The following MAST4 variants were observed in gnomAD, a reference collection of about 807,000 sequenced individuals.
MAST4 encodes microtubule associated serine/threonine kinase family member 4.
In MAST4, 89 loss-of-function variants were observed where a neutral mutation model predicts 162.7. The ratio of observed to expected loss-of-function variants is 0.55; its 90% CI spans 0.46 to 0.65. The LOEUF (loss-of-function observed/expected upper bound fraction) is 0.65. Ranked by LOEUF, MAST4 falls within the 30% of genes least tolerant of loss-of-function variation. The pLI is 0.00. For missense variants in MAST4, 3,153 were observed against 3,374.0 expected (o/e 0.93, Z 1.62); for synonymous variants, 1,479 against 1,361.1 (o/e 1.09, Z -1.91).
At chr5:66,716,982 C>T (rs1463122594) in intron 1 of MAST4, among the ~76,000 whole-genome samples, 1 of 152,180 alleles carries the variant, frequency 6.6e-6, no homozygotes, top group Non-Finnish European at 1.5e-5. Context: ...GGACAAAGTT[C>T]TCCCTCAAGG....
intron 26 of MAST4, 140 bp from the exon 27 acceptor site, chr5:67,160,316 A>G: frequency 2.3e-6 from 2 of 874,412 alleles, no homozygotes; most frequent in Non-Finnish European, 3.3e-6. Context: ...GACTTCTTTG[A>G]TTGAAGGGTT....
chr5:66,857,305 A>G (rs887872772), intron 3 of MAST4, among the ~76,000 whole-genome samples: 3 of 152,244 alleles, frequency 2.0e-5, no homozygotes, highest in African/African-American at 4.8e-5. Context: ...AACAATAAAC[A>G]TGTTAGGTGT....
At chr5:66,887,554 A>G (rs1050479669) in intron 3 of MAST4, among the ~76,000 whole-genome samples, 4 of 152,224 alleles carry the variant, frequency 2.6e-5, no homozygotes, top group Admixed American at 6.5e-5. Context: ...AAACAGCATC[A>G]TCAAGGGCCC....
At chr5:67,146,441 T>C (rs1771090372) in intron 23 of MAST4, among the ~76,000 whole-genome samples, 1 of 152,256 alleles carries the variant, frequency 6.6e-6, no homozygotes, top group Admixed American at 6.5e-5. Flanking sequence ...TATGTGCATT[T>C]ATGCTTTTTC....
intron 1 of MAST4, among the ~76,000 whole-genome samples, chr5:66,739,482 T>G (rs1436798359): frequency 6.6e-5 from 10 of 152,184 alleles, no homozygotes; most frequent in Admixed American, 6.5e-4. Context: ...AAGGAGTTTT[T>G]AGAAATAGCC....
At chr5:67,059,118 C>T (rs1242809617) in intron 5 of MAST4, among the ~76,000 whole-genome samples, 1 of 152,110 alleles carries the variant, frequency 6.6e-6, no homozygotes, top group Non-Finnish European at 1.5e-5. Context: ...TAGGTCATTG[C>T]CTTTGTAGGA....
intron 3 of MAST4, among the ~76,000 whole-genome samples, chr5:66,836,059 T>C (rs533444381): frequency 6.6e-6 from 1 of 152,160 alleles, no homozygotes; most frequent in South Asian, 2.1e-4. Flanking sequence ...TAGTCCCAAG[T>C]ACCTGGGAGA....
chr5:66,751,088 G>A (rs546878610), intron 1 of MAST4, among the ~76,000 whole-genome samples: 157 of 152,038 alleles, frequency 1.0e-3, no homozygotes, highest in African/African-American at 3.6e-3. Context: ...TGAGGGTCCT[G>A]TCTGTTGGAA....
intron 4 of MAST4, among the ~76,000 whole-genome samples, chr5:66,949,314 C>G (rs1255888411): frequency 6.6e-6 from 1 of 152,138 alleles, no homozygotes; most frequent in Non-Finnish European, 1.5e-5. Context: ...GTAATGATCC[C>G]TACATGTCAA....
At chr5:67,018,991 A>G (rs756971029) in intron 4 of MAST4, among the ~76,000 whole-genome samples, 5 of 152,214 alleles carry the variant, frequency 3.3e-5, no homozygotes, top group Non-Finnish European at 7.3e-5. Context: ...TGGCAGAGTA[A>G]TATTTTTCCT....
Position 66,854,788 on chromosome 5 carries a change from A to G in MAST4, c.643-45163A>G, listed in dbSNP as rs1759556955. 2.0e-5 allele frequency among the ~76,000 whole-genome samples: 3 copies of G among 152,260 alleles called. 1 individual carries two copies. The South Asian group carries it at 6.2e-4, about 32-fold the overall frequency. On this transcript the variant is annotated intron_variant, in intron 3 of 28. Transcript: ENST00000403625. ...GTATGAAGGCCAGGAGCCAAGGATG[A>G]TTGGAAACCATTGTAAATGCTGCCC...
At chr5:66,882,648 C>T (rs552398143) in intron 3 of MAST4, among the ~76,000 whole-genome samples, 62 of 152,192 alleles carry the variant, frequency 4.1e-4, no homozygotes, top group African/African-American at 1.4e-3. Context: ...TGTTGCCATA[C>T]ATTTGCCACT....
intron 10 of MAST4, 40 bp from the exon 11 acceptor site, chr5:67,110,058 A>G: frequency 7.0e-7 from 1 of 1,429,102 alleles, no homozygotes; most frequent in Non-Finnish European, 9.9e-7. Flanking sequence ...ATTTAATGGA[A>G]CAACTCTGCA....
chr5:66,630,687 G>C (rs1744739607), intron 1 of MAST4, among the ~76,000 whole-genome samples: 1 of 152,072 alleles, frequency 6.6e-6, no homozygotes, highest in Admixed American at 6.6e-5. Flanking sequence ...AGTTAAACTT[G>C]GACTATTTAG....
chr5:66,710,197 A>G (rs1750407062), intron 1 of MAST4, among the ~76,000 whole-genome samples: 1 of 152,240 alleles, frequency 6.6e-6, no homozygotes. Flanking sequence ...ATGTGACTGC[A>G]TTGAGATTCA....
intron 4 of MAST4, among the ~76,000 whole-genome samples, chr5:67,006,063 G>A (rs979933704): frequency 6.6e-6 from 1 of 152,216 alleles, no homozygotes; most frequent in Non-Finnish European, 1.5e-5. Context: ...TATAAATGTG[G>A]ATATGTGATA....
At chr5:66,885,180 C>T (rs1368020872) in intron 3 of MAST4, among the ~76,000 whole-genome samples, 1 of 152,186 alleles carries the variant, frequency 6.6e-6, no homozygotes, top group Non-Finnish European at 1.5e-5. Context: ...TACTCTACTT[C>T]ACCAGCCATG....
intron 3 of MAST4, among the ~76,000 whole-genome samples, chr5:66,838,496 T>G (rs1758189259): frequency 6.6e-6 from 1 of 152,166 alleles, no homozygotes; most frequent in Non-Finnish European, 1.5e-5. Context: ...ACTCTAGCAG[T>G]ACAAAAATGA....
At chr5:66,863,673 T>C (rs916683578) in intron 3 of MAST4, among the ~76,000 whole-genome samples, 14 of 152,170 alleles carry the variant, frequency 9.2e-5, no homozygotes, top group African/African-American at 2.7e-4. Flanking sequence ...CTGGTTGGGT[T>C]CAGCCCCATG....
Sources: gnomAD v4.1 joint callset for allele counts (sites outside exome capture counted in the v4.1 genomes callset) on GRCh38, gnomAD v4.1.1 for gene constraint, MANE v1.5 for transcripts, NCBI Gene and HGNC (gene_info 2026-07-23, HGNC 2026-07-21) for gene names.